GRM7: variants seen among roughly 807,000 people sequenced by gnomAD.
The protein encoded by GRM7 is metabotropic glutamate receptor 7.
GRM7 carries 35 observed loss-of-function variants against 84.5 expected under a neutral mutation model. The ratio of observed to expected loss-of-function variants is 0.41; its 90% CI spans 0.32 to 0.55. The LOEUF is 0.55. Among genes scored for constraint, GRM7 ranks in the 20% least tolerant of loss-of-function variants. The pLI is 0.19. For missense variants in GRM7, 1,003 were observed against 1,194.6 expected (o/e 0.84, Z 2.36); for synonymous variants, 487 against 455.1 (o/e 1.07, Z -0.89).
intron 8 of GRM7, among the ~76,000 whole-genome samples, chr3:7,627,522 A>G (rs1206568496): frequency 1.3e-5 from 2 of 152,260 alleles, no homozygotes; most frequent in African/African-American, 2.4e-5. Flanking sequence ...AGACATTCGC[A>G]TGGTATTAAA....
chr3:6,885,591 C>T (rs147540857), intron 1 of GRM7, among the ~76,000 whole-genome samples: 1 of 152,294 alleles, frequency 6.6e-6, no homozygotes, highest in African/African-American at 2.4e-5. Context: ...CCTCCTACCA[C>T]ACACCCAGAA....
Position 7,285,077 on chromosome 3 carries a change from A to G in GRM7, c.737-13607A>G, listed in dbSNP as rs147531254. Among the ~76,000 whole-genome samples the G allele has an allele frequency of 2.4e-3, 363 of 152,202 alleles. 1 individual carries two copies. Among genetic ancestry groups the G allele is most frequent in the Non-Finnish European group, 4.4e-3 (301 of 67,992 alleles). ...TAAATTTTATTTTTTTGAAATGACC[A>G]TTTGCTTCTGTGTTGTCAAGGGCAG... is the stretch of plus-strand genomic sequence containing the variant. On this transcript the variant is annotated intron_variant, in intron 2 of 9. Transcript: ENST00000357716.
chr3:6,918,901 G>A (rs1021036640), intron 1 of GRM7, among the ~76,000 whole-genome samples: 1 of 152,174 alleles, frequency 6.6e-6, no homozygotes, highest in Non-Finnish European at 1.5e-5. Flanking sequence ...ACCTCACAGA[G>A]TTAATTTGGT....
intron 1 of GRM7, among the ~76,000 whole-genome samples, chr3:6,977,398 G>A (rs976100191): frequency 4.6e-5 from 7 of 151,714 alleles, no homozygotes; most frequent in African/African-American, 1.7e-4. Context: ...CGTGTGTGTT[G>A]GTGTGTTGTT....
intron 2 of GRM7, among the ~76,000 whole-genome samples, chr3:7,259,953 G>GTTTTTTGTTTTTTTTTTTTTT (rs1553638865): frequency 1.1e-5 from 1 of 89,668 alleles, no homozygotes; most frequent in African/African-American, 5.9e-5. Flanking sequence ...ACCAGCATCT[G>GTTTTTTGTTTTTTTTTTTTTT]TTTTTTTTTT....
intron 7 of GRM7, among the ~76,000 whole-genome samples, chr3:7,494,727 AGCC>A (rs2124955465): frequency 6.6e-6 from 1 of 152,080 alleles, no homozygotes; most frequent in East Asian, 1.9e-4. Context: ...TATACTCTTG[AGCC>A]CATCCAGCCA....
chr3:7,261,399 G>A (rs560810127), intron 2 of GRM7, among the ~76,000 whole-genome samples: 1 of 152,262 alleles, frequency 6.6e-6, no homozygotes, highest in African/African-American at 2.4e-5. Flanking sequence ...TGTTTTGCCT[G>A]AAATTAGGAT....
At chr3:7,000,057 C>T (rs1401665010) in intron 1 of GRM7, among the ~76,000 whole-genome samples, 2 of 151,792 alleles carry the variant, frequency 1.3e-5, no homozygotes, top group African/African-American at 4.8e-5. Flanking sequence ...ATGAATATAA[C>T]ACAGGAGTTT....
intron 9 of GRM7, among the ~76,000 whole-genome samples, chr3:7,713,145 T>G (rs1268804582): frequency 6.8e-6 from 1 of 146,130 alleles, no homozygotes; most frequent in Non-Finnish European, 1.5e-5. Flanking sequence ...TTTTTTTTTT[T>G]TTTTTTTGAG....
At chr3:7,594,828 G>T (rs1455673693) in intron 8 of GRM7, among the ~76,000 whole-genome samples, 1 of 152,104 alleles carries the variant, frequency 6.6e-6, no homozygotes, top group Non-Finnish European at 1.5e-5. Flanking sequence ...ATATGGCCTA[G>T]GAGAAGCCAG....
At chr3:7,441,976 A>G (rs1697307022) in intron 5 of GRM7, among the ~76,000 whole-genome samples, 2 of 151,858 alleles carry the variant, frequency 1.3e-5, no homozygotes, top group Non-Finnish European at 2.9e-5. Context: ...TTTTGGTTCC[A>G]TATGACTTTT....
chr3:7,130,318 C>T (rs924382114), intron 1 of GRM7, among the ~76,000 whole-genome samples: 5 of 151,902 alleles, frequency 3.3e-5, no homozygotes, highest in East Asian at 3.9e-4. Flanking sequence ...CCGAGGTGGG[C>T]GAATCACGAA....
intron 1 of GRM7, among the ~76,000 whole-genome samples, chr3:6,939,184 G>T (rs757003913): frequency 6.6e-6 from 1 of 152,048 alleles, no homozygotes; most frequent in Non-Finnish European, 1.5e-5. Flanking sequence ...AAAGTTACTT[G>T]ATCTATACAT....
At chr3:7,429,211 T>C (rs1183901604) in intron 5 of GRM7, among the ~76,000 whole-genome samples, 1 of 152,162 alleles carries the variant, frequency 6.6e-6, no homozygotes, top group Non-Finnish European at 1.5e-5. Flanking sequence ...TTTTGTTTTG[T>C]TTTATGTTTT....
chr3:7,738,310 T>C (rs539969305), intron 9 of GRM7, among the ~76,000 whole-genome samples: 11 of 152,272 alleles, frequency 7.2e-5, no homozygotes, highest in African/African-American at 2.6e-4. Flanking sequence ...GATTCAACCA[T>C]CAGGCAGCCT....
intron 7 of GRM7, among the ~76,000 whole-genome samples, chr3:7,478,850 G>A (rs891461187): frequency 6.6e-6 from 1 of 152,098 alleles, no homozygotes; most frequent in African/African-American, 2.4e-5. Context: ...ATCTTTGACG[G>A]GTTAGCTTTT....
rs568137327 is a variant in GRM7, at chr3:7,370,364, G to A, written c.1034-44659G>A. ...ATCCAGATTGGAGAAAAGTCGATAT[G>A]ATTTCGTAGTGTCTTCACCCAAATC... On this transcript the variant is annotated intron_variant, in intron 4 of 9. Coordinates refer to ENST00000357716, the MANE Select transcript of GRM7 (RefSeq NM_000844.4). Among the ~76,000 whole-genome samples the A allele has an allele frequency of 2.6e-5, 4 of 152,202 alleles. No individual in the cohort carries two copies. The East Asian group carries it at 7.8e-4, about 30-fold the overall frequency.
chr3:7,129,521 G>A (rs1693520529), intron 1 of GRM7, among the ~76,000 whole-genome samples: 1 of 152,112 alleles, frequency 6.6e-6, no homozygotes, highest in African/African-American at 2.4e-5. Flanking sequence ...AGAATATTTT[G>A]GACAATGGTA....
chr3:7,651,297 T>C (rs1385047210), intron 8 of GRM7, among the ~76,000 whole-genome samples: 1 of 152,172 alleles, frequency 6.6e-6, no homozygotes, highest in Non-Finnish European at 1.5e-5. Flanking sequence ...AAAGTGCTGC[T>C]TTTACTTCCA....
Sources: gnomAD v4.1 joint callset for allele counts (sites outside exome capture counted in the v4.1 genomes callset) on GRCh38, gnomAD v4.1.1 for gene constraint, MANE v1.5 for transcripts, NCBI Gene and HGNC (gene_info 2026-07-23, HGNC 2026-07-21) for gene names.